Variants in SFMBT2 observed in about 807,000 individuals in gnomAD.
The protein encoded by SFMBT2 is Scm like with four mbt domains 2.
In SFMBT2, 38 loss-of-function variants were observed where a neutral mutation model predicts 110.1. The observed-to-expected ratio is 0.35, with a 90% CI of 0.27 to 0.45. SFMBT2 has a LOEUF of 0.45. Among genes scored for constraint, SFMBT2 ranks in the 20% least tolerant of loss-of-function variants. SFMBT2 has a pLI of 1.00. For synonymous variants in SFMBT2, 425 were observed against 425.4 expected (o/e 1.00, Z 0.01); for missense variants, 1,011 against 1,094.9 (o/e 0.92, Z 1.08).
At chr10:7,202,272 C>A in intron 13 of SFMBT2, 2 of 264,420 alleles carry the variant, frequency 7.6e-6, no homozygotes, top group Non-Finnish European at 1.2e-5. Flanking sequence ...CCATGGGAAT[C>A]TGGATTGCGA....
intron 7 of SFMBT2, among the ~76,000 whole-genome samples, chr10:7,253,150 C>CT (rs1171599962): frequency 6.6e-6 from 1 of 152,216 alleles, no homozygotes; most frequent in East Asian, 1.9e-4. Context: ...CTGGGACCCC[C>CT]TTCCAGCCCT....
Position 7,160,428 on chromosome 10 carries a change from A to C in SFMBT2, c.*3342T>G, listed in dbSNP as rs955742210. 1 of 152,220 alleles carries C rather than the reference A, an allele frequency of 6.6e-6. No homozygotes were observed. The highest frequency in any genetic ancestry group is 1.5e-5 in the Non-Finnish European group (1 of 68,088). 9.4% of individuals were successfully genotyped at this position (152,220 alleles called of 1,614,324 possible). A position where few individuals can be genotyped will look rare whatever the true frequency, so the allele number is the denominator to read the frequency against. On this transcript the variant is annotated 3_prime_UTR_variant, in exon 21 of 21. Transcript: ENST00000397167. Reference sequence around the variant, plus strand: ...CAAGTTGAGGTGGCATCTCTTTCTCAGGGTTTTCAAACGGCGCAGACTGCA... The same window carrying C: ...CAAGTTGAGGTGGCATCTCTTTCTCCGGGTTTTCAAACGGCGCAGACTGCA...
intron 1 of SFMBT2, among the ~76,000 whole-genome samples, chr10:7,383,625 G>A (rs1202997322): frequency 2.0e-5 from 3 of 152,056 alleles, no homozygotes; most frequent in Admixed American, 6.6e-5. Context: ...GGAGTGGGTC[G>A]GCAAACAGCA....
chr10:7,374,751 C>A (rs1345273708), intron 2 of SFMBT2, among the ~76,000 whole-genome samples: 1 of 152,184 alleles, frequency 6.6e-6, no homozygotes, highest in Non-Finnish European at 1.5e-5. Context: ...AAAACTCAAA[C>A]CTTCATGCCC....
intron 4 of SFMBT2, among the ~76,000 whole-genome samples, chr10:7,345,713 T>C (rs1003858895): frequency 2.6e-5 from 4 of 152,210 alleles, no homozygotes; most frequent in East Asian, 3.8e-4. Flanking sequence ...ACAGAAGAGT[T>C]GGAGTATCAA....
At position 7,284,050 on chromosome 10, in the gene SFMBT2, A is replaced by G. The variant is rs1842021741; in HGVS notation, c.626T>C (p.Ile209Thr). ...NPFQYWIVSV[I>T]ENVGGRLRLR... ...GCGTAATCTTCCTCCAACATTTTCA[A>G]TCACACTAACTATCCAGTACTGAAA... is the stretch of plus-strand genomic sequence containing the variant. The change falls in exon 6 of 21, where the codon ATT becomes ACT. Residue 209 changes from isoleucine to threonine, a missense_variant. By Grantham distance (89) the Ile-to-Thr change is moderately conservative. Transcript: ENST00000397167. 1.2e-6 allele frequency: 2 copies of G among 1,614,192 alleles called. No individual in the cohort carries two copies. Among genetic ancestry groups the G allele is most frequent in the South Asian group, 1.1e-5 (1 of 91,084 alleles).
chr10:7,206,753 T>C (rs1373066290), intron 11 of SFMBT2: 10 of 717,892 alleles, frequency 1.4e-5, no homozygotes, highest in Non-Finnish European at 1.7e-5. Flanking sequence ...GCTCTGGCTA[T>C]GGAGAGAATA....
chr10:7,330,686 T>G (rs1286064908), intron 4 of SFMBT2, among the ~76,000 whole-genome samples: 1 of 152,126 alleles, frequency 6.6e-6, no homozygotes, highest in Admixed American at 6.5e-5. Flanking sequence ...CCTCTCTTCC[T>G]CCCATCTCTC....
chr10:7,249,696 A>C (rs2131735620), intron 7 of SFMBT2: 1 of 225,020 alleles, frequency 4.4e-6, no homozygotes, highest in East Asian at 1.8e-4. Context: ...CTGTTTCCCC[A>C]AAGCCCCCAA....
intron 7 of SFMBT2, among the ~76,000 whole-genome samples, chr10:7,273,625 C>T (rs927078720): frequency 6.6e-6 from 1 of 152,206 alleles, no homozygotes; most frequent in Non-Finnish European, 1.5e-5. Context: ...CCTCCCCACA[C>T]CCCACGACAG....
At chr10:7,298,725 GTGTA>G (rs1232813985) in intron 4 of SFMBT2, among the ~76,000 whole-genome samples, 10 of 151,970 alleles carry the variant, frequency 6.6e-5, no homozygotes, top group South Asian at 2.1e-4. Flanking sequence ...GTATGTATGT[GTGTA>G]TGTATGTATG....
intron 4 of SFMBT2, chr10:7,329,478 T>C (rs751787386): frequency 6.7e-5 from 66 of 985,214 alleles, no homozygotes; most frequent in Non-Finnish European, 7.7e-5. Context: ...GTGTGGTGAG[T>C]TCTGCAAAGA....
At chr10:7,205,984 TAGA>T in intron 11 of SFMBT2, 56 bp from the exon 12 acceptor site, 1 of 1,602,408 alleles carries the variant, frequency 6.2e-7, no homozygotes, top group Non-Finnish European at 8.5e-7. Context: ...AACAAAGAAA[TAGA>T]AGGACAACAA....
At chr10:7,323,575 C>T (rs1843271925) in intron 4 of SFMBT2, among the ~76,000 whole-genome samples, 1 of 150,568 alleles carries the variant, frequency 6.6e-6, no homozygotes, top group Non-Finnish European at 1.5e-5. Context: ...GGGGTTTCAA[C>T]TATAGTGGTT....
At chr10:7,386,671 A>G (rs1845616064) in intron 1 of SFMBT2, among the ~76,000 whole-genome samples, 1 of 152,196 alleles carries the variant, frequency 6.6e-6, no homozygotes, top group African/African-American at 2.4e-5. Context: ...TGGACTTCTC[A>G]GCAGTCTTGG....
chr10:7,208,442 T>G (rs1326927470), intron 11 of SFMBT2, among the ~76,000 whole-genome samples: 6 of 152,186 alleles, frequency 3.9e-5, no homozygotes, highest in African/African-American at 1.2e-4. Flanking sequence ...AACTTTATAT[T>G]GGGAGGCTGA....
intron 20 of SFMBT2, among the ~76,000 whole-genome samples, chr10:7,169,503 G>T (rs1378995803): frequency 6.6e-6 from 1 of 152,134 alleles, no homozygotes; most frequent in Non-Finnish European, 1.5e-5. Flanking sequence ...TATGTTTCCT[G>T]ATTTAATGCT....
chr10:7,185,346 T>C (rs1838367006), intron 16 of SFMBT2, among the ~76,000 whole-genome samples: 1 of 152,216 alleles, frequency 6.6e-6, no homozygotes, highest in Non-Finnish European at 1.5e-5. Context: ...ACAAAACCTT[T>C]TCCGGTGAAG....
intron 16 of SFMBT2, among the ~76,000 whole-genome samples, chr10:7,182,797 C>T (rs1426055594): frequency 2.0e-5 from 3 of 151,468 alleles, no homozygotes; most frequent in Admixed American, 6.6e-5. Context: ...AGCACACCAA[C>T]ATGGCACATG....
Sources: allele counts gnomAD v4.1 joint callset (sites outside exome capture counted in the v4.1 genomes callset), GRCh38; gene constraint gnomAD v4.1.1; transcripts MANE v1.5; gene names NCBI Gene and HGNC (gene_info 2026-07-23, HGNC 2026-07-21).